SNX29: variants seen among roughly 807,000 people sequenced by gnomAD.
SNX29 encodes the protein sorting nexin 29, also known as sorting nexin-29.
In SNX29, 78 loss-of-function variants were observed where a neutral mutation model predicts 102.1. That is an observed-to-expected ratio of 0.76 (90% CI 0.64 to 0.92). The LOEUF (loss-of-function observed/expected upper bound fraction) is 0.92, where lower values mean the gene tolerates loss of function less well. Among genes scored for constraint, SNX29 ranks in the 40% least tolerant of loss-of-function variants. SNX29 has a pLI of 0.00. For missense variants in SNX29, 1,280 were observed against 1,061.7 expected (o/e 1.21, Z -2.86); for synonymous variants, 580 against 414.5 (o/e 1.40, Z -4.85).
At chr16:12,550,803 C>G (rs2077927741) in intron 20 of SNX29, among the ~76,000 whole-genome samples, 1 of 152,116 alleles carries the variant, frequency 6.6e-6, no homozygotes, top group South Asian at 2.1e-4. Context: ...AAGAGGGAGC[C>G]AAGAATATGT....
chr16:11,996,998 G>C (rs1000307964), intron 1 of SNX29, among the ~76,000 whole-genome samples: 1 of 152,142 alleles, frequency 6.6e-6, no homozygotes, highest in Non-Finnish European at 1.5e-5. Context: ...CCAGGCCTGG[G>C]GGTAAGGCAG....
chr16:12,563,314 T>G (rs967432902), intron 20 of SNX29, among the ~76,000 whole-genome samples: 3 of 152,008 alleles, frequency 2.0e-5, no homozygotes, highest in African/African-American at 7.3e-5. Flanking sequence ...GCTTTGTGAC[T>G]GGAGAGAGTC....
intron 15 of SNX29, among the ~76,000 whole-genome samples, chr16:12,315,466 C>T (rs961216679): frequency 1.3e-5 from 2 of 152,060 alleles, no homozygotes; most frequent in Non-Finnish European, 2.9e-5. Flanking sequence ...ATTGTGTTGC[C>T]CCCATCATTT....
rs778206262 is a variant in SNX29, at chr16:12,573,986, C to T, written c.*5357C>T. The T allele has an allele frequency of 1.2e-4, 23 of 198,664 alleles. No homozygotes were observed. The highest frequency in any genetic ancestry group is 1.8e-4 in the African/African-American group (8 of 43,394). 12.3% of individuals were successfully genotyped at this position (198,664 alleles called of 1,614,324 possible). A position where few individuals can be genotyped will look rare whatever the true frequency, so the allele number is the denominator to read the frequency against. ...AACCCCACTAGGGGGCGCCCATGATCGGCTCCCAGTGCACCCCCTTAAGGG... is the reference window on the plus strand; with the variant it reads ...AACCCCACTAGGGGGCGCCCATGATTGGCTCCCAGTGCACCCCCTTAAGGG... On this transcript the variant is annotated 3_prime_UTR_variant, in exon 21 of 21. Coordinates refer to ENST00000566228, the MANE Select transcript of SNX29 (RefSeq NM_032167.5).
intron 14 of SNX29, among the ~76,000 whole-genome samples, chr16:12,246,525 C>T (rs1242873933): frequency 6.6e-6 from 1 of 152,108 alleles, no homozygotes; most frequent in Non-Finnish European, 1.5e-5. Flanking sequence ...CCTGTAATCC[C>T]AGCTACTCAG....
intron 15 of SNX29, among the ~76,000 whole-genome samples, chr16:12,284,467 GC>G (rs777738471): frequency 2.6e-5 from 4 of 152,190 alleles, no homozygotes; most frequent in Non-Finnish European, 5.9e-5. Context: ...CTCCACCATA[GC>G]GTGCTGTCTG....
At chr16:12,541,135 G>C (rs2077316890) in intron 20 of SNX29, among the ~76,000 whole-genome samples, 1 of 152,160 alleles carries the variant, frequency 6.6e-6, no homozygotes, top group Non-Finnish European at 1.5e-5. Context: ...CACAGGGGGA[G>C]GTGACCTTAC....
intron 15 of SNX29, among the ~76,000 whole-genome samples, chr16:12,337,550 C>T (rs767174749): frequency 6.6e-6 from 1 of 152,082 alleles, no homozygotes; most frequent in Non-Finnish European, 1.5e-5. Flanking sequence ...CCATATTGTC[C>T]AGGCTGGTCC....
chr16:12,117,529 A>G (rs1264304893), intron 11 of SNX29, among the ~76,000 whole-genome samples: 6 of 152,378 alleles, frequency 3.9e-5, no homozygotes, highest in African/African-American at 9.6e-5. Context: ...AAAGAAGACC[A>G]CATAAGAGAT....
At chr16:12,097,567 A>C (rs1276515711) in intron 11 of SNX29, among the ~76,000 whole-genome samples, 1 of 149,894 alleles carries the variant, frequency 6.7e-6, no homozygotes. Flanking sequence ...CTTTTTTAGC[A>C]TTTGTTCATT....
chr16:12,410,404 C>T (rs1477014486), intron 18 of SNX29, among the ~76,000 whole-genome samples: 1 of 152,098 alleles, frequency 6.6e-6, no homozygotes, highest in East Asian at 1.9e-4. Flanking sequence ...GAACTCTTCC[C>T]ATCTCCCATC....
chr16:12,194,616 T>G (rs1596475947), intron 13 of SNX29, among the ~76,000 whole-genome samples: 1 of 131,314 alleles, frequency 7.6e-6, no homozygotes, highest in Non-Finnish European at 1.6e-5. Flanking sequence ...GATTTGGGGG[T>G]GGGTAGTTTT....
rs1480292906 is a variant in SNX29, at chr16:12,282,273, A to G, written c.1782+4237A>G. On this transcript the variant is annotated intron_variant, in intron 15 of 20. Coordinates refer to ENST00000566228, the MANE Select transcript of SNX29 (RefSeq NM_032167.5). ...ATGAATGGCAGGACACAAGGGGGAA[A>G]ACTAGTAGTAGATAACAGCAACTGC... Among the ~76,000 whole-genome samples the G allele has an allele frequency of 2.0e-5, 3 of 152,084 alleles. No homozygotes were observed. The East Asian group carries it at 5.8e-4, about 29-fold the overall frequency.
intron 18 of SNX29, among the ~76,000 whole-genome samples, chr16:12,463,116 C>T (rs1021294932): frequency 3.3e-5 from 5 of 152,146 alleles, no homozygotes; most frequent in Non-Finnish European, 7.4e-5. Context: ...CTTATTAGGA[C>T]GCCAGGCTCC....
intron 14 of SNX29, among the ~76,000 whole-genome samples, chr16:12,222,989 T>C (rs2077517582): frequency 6.6e-6 from 1 of 152,232 alleles, no homozygotes; most frequent in Non-Finnish European, 1.5e-5. Context: ...AACTGGCAAG[T>C]GGCGGAGTGG....
chr16:12,422,931 C>G (rs2084926728), intron 18 of SNX29, among the ~76,000 whole-genome samples: 1 of 152,150 alleles, frequency 6.6e-6, no homozygotes, highest in South Asian at 2.1e-4. Flanking sequence ...ATTTCTGTAT[C>G]TGGAACAGGT....
intron 11 of SNX29, chr16:12,088,164 ACT>A (rs904635982): frequency 2.0e-5 from 9 of 455,742 alleles, no homozygotes; most frequent in African/African-American, 6.0e-5. Flanking sequence ...TCACAGTGTC[ACT>A]GTTTGGGCCA....
At chr16:12,038,308 C>T (rs2057532051) in intron 4 of SNX29, among the ~76,000 whole-genome samples, 2 of 152,112 alleles carry the variant, frequency 1.3e-5, no homozygotes, top group African/African-American at 4.8e-5. Flanking sequence ...CTTGTGGTCC[C>T]CAAGTCTTGG....
intron 19 of SNX29, among the ~76,000 whole-genome samples, chr16:12,481,411 CAT>C (rs1036596167): frequency 4.7e-5 from 7 of 149,372 alleles, no homozygotes; most frequent in African/African-American, 1.3e-4. Flanking sequence ...CACACACACA[CAT>C]ATACATACAC....
Sources: gnomAD v4.1 joint callset for allele counts (sites outside exome capture counted in the v4.1 genomes callset) on GRCh38, gnomAD v4.1.1 for gene constraint, MANE v1.5 for transcripts, NCBI Gene and HGNC (gene_info 2026-07-23, HGNC 2026-07-21) for gene names.